The following DNAH1 variants were observed in gnomAD, a reference collection of about 807,000 sequenced individuals.
DNAH1 encodes the protein axonemal beta dynein heavy chain 1.
Under a neutral mutation model 484.3 loss-of-function variants are expected in DNAH1, and 327 were observed. The observed-to-expected ratio is 0.68, with a 90% CI of 0.62 to 0.74. The LOEUF is 0.74. DNAH1 is among the 30% of genes least tolerant of loss of function. The probability of loss-of-function intolerance (pLI) is 0.00; values close to 1 mark genes in which losing one functional copy is unlikely to be tolerated. For synonymous variants in DNAH1, 2,192 were observed against 2,191.9 expected, an observed-to-expected ratio of 1.00 and a Z score of 0.00; for missense variants, 5,052 against 5,546.8, an observed-to-expected ratio of 0.91 and a Z score of 2.83.
Position 52,361,876 on chromosome 3 carries a change from G to C in DNAH1, c.4980+110G>C. 1 of 1,192,130 alleles carries C rather than the reference G, an allele frequency of 8.4e-7. No homozygotes were observed. Among genetic ancestry groups the C allele is most frequent in the Non-Finnish European group, 1.2e-6 (1 of 847,162 alleles). The allele number at this position is 1,192,130 out of a possible 1,614,324, so 73.8% of individuals were successfully genotyped here. A position where few individuals can be genotyped will look rare whatever the true frequency, so the allele number is the denominator to read the frequency against. The stretch of plus-strand genomic sequence containing the variant: ...GGCGCTAAGGTCCACCCTGGGTCCA[G>C]CCTCTCTTGTCCCGGGGGCACACCC... On this transcript the variant is annotated intron_variant, in intron 30 of 77. Coordinates refer to ENST00000420323, the MANE Select transcript of DNAH1 (RefSeq NM_015512.5). This position sits in a 1 kb window ranked among gnomAD's most constrained non-coding sequence, Gnocchi z 5.6.
At chr3:52,393,674 T>C (rs967622259) in intron 66 of DNAH1, among the ~76,000 whole-genome samples, 189 bp downstream of exon 66, 11 of 152,028 alleles carry the variant, frequency 7.2e-5, no homozygotes, top group African/African-American at 1.2e-4. Flanking sequence ...TCCCAGCACT[T>C]TGGGAGGCCG....
chr3:52,344,553 C>T lies in DNAH1; in HGVS notation c.1350C>T (p.Asn450=). 2 of 1,614,042 alleles carry T rather than the reference C, an allele frequency of 1.2e-6. No individual in the cohort carries two copies. ...GCCTGGACTATGAGCGCAGCATGAACAAGATCAACTTTGACCACGTTGTCT... is the reference window on the plus strand; with the variant it reads ...GCCTGGACTATGAGCGCAGCATGAATAAGATCAACTTTGACCACGTTGTCT... ...EVSLDYERSM[N]KINFDHVVSS... The change falls in exon 9 of 78, where the codon AAC becomes AAT. Residue 450 remains asparagine (N), a synonymous_variant. Coordinates refer to ENST00000420323, the MANE Select transcript of DNAH1 (RefSeq NM_015512.5).
chr3:52,370,946 C>T (rs914893092), intron 41 of DNAH1, 121 bp downstream of exon 41: 17 of 903,686 alleles, frequency 1.9e-5, no homozygotes, highest in East Asian at 5.3e-5. Flanking sequence ...TCTCAGGCAG[C>T]GGTTATTTGC....
At chr3:52,387,687 C>T (rs1255093744) in intron 56 of DNAH1, among the ~76,000 whole-genome samples, 3 of 152,190 alleles carry the variant, frequency 2.0e-5, no homozygotes, top group African/African-American at 7.2e-5. Context: ...AGCTCTGACC[C>T]CTGGGAGCTC....
At chr3:52,322,366 C>A in intron 1 of DNAH1, 43 bp from the exon 2 acceptor site, 5 of 1,414,516 alleles carry the variant, frequency 3.5e-6, no homozygotes, top group Non-Finnish European at 3.8e-6. Context: ...GGGGCTAAGA[C>A]AGAGGCTGGC....
At chr3:52,342,745 A>T (rs1228991457) in intron 8 of DNAH1, among the ~76,000 whole-genome samples, 1 of 152,108 alleles carries the variant, frequency 6.6e-6, no homozygotes, top group Non-Finnish European at 1.5e-5. Flanking sequence ...GCTAGTGGGG[A>T]TAGGGGGCAA....
At chr3:52,397,120 C>CTCA in intron 73 of DNAH1, 76 bp downstream of exon 73, 7 of 1,387,224 alleles carry the variant, frequency 5.0e-6, no homozygotes, top group Non-Finnish European at 5.8e-6. Context: ...CACCTTGGTG[C>CTCA]TGGGTGGGAG....
chr3:52,398,204 T>C, intron 75 of DNAH1, 42 bp downstream of exon 75: 1 of 1,571,350 alleles, frequency 6.4e-7, no homozygotes, highest in Non-Finnish European at 8.6e-7. Context: ...CAGCGGCCAC[T>C]GGACTGTAGA....
At chr3:52,315,686 C>T (rs1700926969), upstream of DNAH1, among the ~76,000 whole-genome samples, 2 of 152,228 alleles carry the variant, frequency 1.3e-5, no homozygotes, top group Non-Finnish European at 1.5e-5. Context: ...GATGGCCCTC[C>T]CATCACAAGA....
rs777917814 is a variant in DNAH1 at position 52,368,086 on chromosome 3, C to A, written c.5766-655C>A. On this transcript the variant is annotated intron_variant, in intron 36 of 77. Transcript: ENST00000420323. This position sits in a 1 kb window ranked among gnomAD's most constrained non-coding sequence, Gnocchi z 4.4. ...AGTGGTGAGGGGGATTCTGGTTGAA[C>A]CAATCTAACAGGATTCCAACTGAAG... Among the ~76,000 whole-genome samples the A allele has an allele frequency of 1.3e-4, 20 of 152,196 alleles. No individual in the cohort carries two copies. Among genetic ancestry groups the A allele is most frequent in the Non-Finnish European group, 2.1e-4 (14 of 68,046 alleles).
In DNAH1 at chr3:52,394,617, C is replaced by T; in HGVS notation, c.10779C>T (p.His3593=). ...FSSFSSDFVK[H]LSEFRVIFDS... ...CCTTCTCTTCCGACTTCGTGAAGCA[C>T]CTCTCAGAATTCCGGGTCATCTTCG... Residue 3593 remains histidine (H), a synonymous_variant, in exon 67 of 78, where the codon CAC becomes CAT. Coordinates refer to ENST00000420323, the MANE Select transcript of DNAH1 (RefSeq NM_015512.5). The T allele has an allele frequency of 6.3e-7, 1 of 1,598,050 alleles. No individual in the cohort carries two copies. The highest frequency in any genetic ancestry group is 8.5e-7 in the Non-Finnish European group (1 of 1,169,838).
Position 52,346,775 on chromosome 3 carries a change from G to A in DNAH1, c.1955+5G>A. ...CTTAATTAACAGCCCCTACAGGTGG[G>A]GCCCGGCGGGGCGGAGGCACCTGTT... is the stretch of plus-strand genomic sequence containing the variant. On this transcript the variant is annotated splice_donor_5th_base_variant and intron_variant, in intron 11 of 77. Transcript: ENST00000420323. The A allele has an allele frequency of 1.2e-6, 2 of 1,600,130 alleles. No individual in the cohort carries two copies. Among genetic ancestry groups the A allele is most frequent in the South Asian group, 2.2e-5 (2 of 90,424 alleles).
At chr3:52,317,982 A>AG (rs1216382091) in intron 1 of DNAH1, 2 of 152,370 alleles carry the variant, frequency 1.3e-5, no homozygotes, top group African/African-American at 4.8e-5. Context: ...CGAGTGGACG[A>AG]GGGTGGGGAA....
upstream of DNAH1, among the ~76,000 whole-genome samples, chr3:52,312,602 C>G (rs1374425517): frequency 6.6e-6 from 1 of 151,856 alleles, no homozygotes; most frequent in Non-Finnish European, 1.5e-5. Context: ...TCCCATGTAG[C>G]TGGGACTACA....
chr3:52,351,364 A>G (rs1006513270), intron 16 of DNAH1, among the ~76,000 whole-genome samples: 7 of 152,226 alleles, frequency 4.6e-5, no homozygotes, highest in Non-Finnish European at 1.0e-4. Context: ...CCCCACACCC[A>G]GTGCTGCCTC....
chr3:52,379,843 G>A lies in DNAH1; in HGVS notation c.7378-62G>A, dbSNP rs1209087956. 1 of 1,458,788 alleles carries A rather than the reference G, an allele frequency of 6.9e-7. No individual in the cohort carries two copies. The highest frequency in any genetic ancestry group is 1.4e-5 in the African/African-American group (1 of 71,260). 90.4% of individuals were successfully genotyped at this position (1,458,788 alleles called of 1,614,324 possible). ...GGGGCCCACCCTCCCTTGCCTGGTG[G>A]TTTGAGAGATAGCTGAGGGCTTGGG... is the stretch of plus-strand genomic sequence containing the variant. On this transcript the variant is annotated intron_variant, in intron 47 of 77. Transcript: ENST00000420323. This position sits in a 1 kb window ranked among gnomAD's most constrained non-coding sequence, Gnocchi z 4.4.
chr3:52,345,201 CA>C (rs1467167052), intron 9 of DNAH1, among the ~76,000 whole-genome samples: 10 of 152,314 alleles, frequency 6.6e-5, no homozygotes, highest in South Asian at 4.1e-4. Context: ...TTGTGTGCAG[CA>C]CGGGCAGGAG....
In DNAH1 at chr3:52,362,523, C is replaced by A; in HGVS notation, c.5094+22C>A. The A allele has an allele frequency of 6.2e-7, 1 of 1,600,670 alleles. No homozygotes were observed. The highest frequency in any genetic ancestry group is 8.5e-7 in the Non-Finnish European group (1 of 1,171,574). ...GAAGGCAAGTGCAGGCCCAGAGTGG[C>A]CCAGGAAGCACCAGAGCTCTAGCCT... On this transcript the variant is annotated intron_variant, in intron 31 of 77. Coordinates refer to ENST00000420323, the MANE Select transcript of DNAH1 (RefSeq NM_015512.5). The surrounding 1 kb of genome is among the most constrained non-coding windows in gnomAD (Gnocchi z 5.1).
intron 53 of DNAH1, among the ~76,000 whole-genome samples, 172 bp downstream of exon 53, chr3:52,385,149 G>A (rs1426389981): frequency 6.6e-6 from 1 of 152,250 alleles, no homozygotes; most frequent in Admixed American, 6.5e-5. Context: ...TCAAGGGCCA[G>A]GCCAAAGCGT....
Sources: gnomAD v4.1 joint callset for allele counts (sites outside exome capture counted in the v4.1 genomes callset) on GRCh38, gnomAD v4.1.1 for gene constraint, Gnocchi (gnomAD v3.1) non-coding constraint, MANE v1.5 for transcripts, NCBI Gene and HGNC (gene_info 2026-07-23, HGNC 2026-07-21) for gene names.